ANO6: variants seen among roughly 807,000 people sequenced by gnomAD.
ANO6 encodes the protein anoctamin 6, also known as anoctamin-6.
ANO6 carries 106 observed loss-of-function variants against 117.5 expected under a neutral mutation model. The ratio of observed to expected loss-of-function variants is 0.90; its 90% confidence interval spans 0.77 to 1.06. ANO6 has a LOEUF of 1.06. Among genes scored for constraint, ANO6 ranks in the 50% least tolerant of loss-of-function variants. The pLI, the probability that ANO6 is intolerant of heterozygous loss-of-function variation, is 0.00. For missense variants in ANO6, 955 were observed against 1,121.1 expected, an observed-to-expected ratio of 0.85 and a Z score of 2.12; for synonymous variants, 367 against 385.1, an observed-to-expected ratio of 0.95 and a Z score of 0.55.
intron 3 of ANO6, among the ~76,000 whole-genome samples, chr12:45,339,760 T>G (rs1940928105): frequency 6.6e-6 from 1 of 152,066 alleles, no homozygotes; most frequent in South Asian, 2.1e-4. Context: ...TTAGACTAAT[T>G]TTTTTTCCAC....
chr12:45,382,384 A>G (rs182692732), intron 10 of ANO6, among the ~76,000 whole-genome samples: 11 of 152,286 alleles, frequency 7.2e-5, no homozygotes, highest in South Asian at 2.1e-4. Flanking sequence ...GTGCAACAAG[A>G]TTTTAATGTG....
chr12:45,312,728 ACAGCTCCTTCTCCCAAGTCACTC>A (rs1372537630), intron 2 of ANO6, among the ~76,000 whole-genome samples: 3 of 152,064 alleles, frequency 2.0e-5, no homozygotes, highest in African/African-American at 7.2e-5. Context: ...AAAAGTGTTT[ACAGCTCCTTCTCCCAAGTCACTC>A]TTTGAAATGT....
intron 3 of ANO6, among the ~76,000 whole-genome samples, chr12:45,334,087 A>G (rs1326884699): frequency 6.6e-6 from 1 of 152,080 alleles, no homozygotes; most frequent in African/African-American, 2.4e-5. Context: ...TCCAAATATC[A>G]TGTAACTTGG....
At chr12:45,425,492 A>C (rs2137719721) in intron 19 of ANO6, among the ~76,000 whole-genome samples, 1 of 152,358 alleles carries the variant, frequency 6.6e-6, no homozygotes, top group South Asian at 2.1e-4. Flanking sequence ...AACCGGAGGG[A>C]AAAAACTGAT....
In ANO6 at chr12:45,431,639, A is replaced by G; in HGVS notation, c.*2328A>G. 2.0e-6 allele frequency: 2 copies of G among 985,436 alleles called. No individual in the cohort carries two copies. The highest frequency in any genetic ancestry group is 2.4e-6 in the Non-Finnish European group (2 of 829,926). The allele number at this position is 985,436 out of a possible 1,614,324, so 61.0% of individuals were successfully genotyped here. A position where few individuals can be genotyped will look rare whatever the true frequency, so the allele number is the denominator to read the frequency against. ...AGTGGAGATGCAGGGTCATTTCCCC[A>G]TGCCATCCACAGTGTTTGTTAGTGA... On this transcript the variant is annotated 3_prime_UTR_variant, in exon 20 of 20. Transcript: ENST00000320560.
At chr12:45,311,349 G>A (rs543669534) in intron 2 of ANO6, among the ~76,000 whole-genome samples, 41 of 152,166 alleles carry the variant, frequency 2.7e-4, no homozygotes, top group African/African-American at 6.7e-4. Flanking sequence ...ACGAAGCTCC[G>A]TGTGAATTGA....
intron 2 of ANO6, among the ~76,000 whole-genome samples, chr12:45,308,119 T>A (rs1939736480): frequency 8.0e-6 from 1 of 125,188 alleles, no homozygotes; most frequent in Admixed American, 1.1e-4. Flanking sequence ...GAAGGGTGAT[T>A]ACCGTGAAGA....
chr12:45,306,528 C>G (rs186535420), intron 2 of ANO6, among the ~76,000 whole-genome samples: 5 of 152,140 alleles, frequency 3.3e-5, no homozygotes, highest in African/African-American at 9.6e-5. Context: ...GAGTAATTAT[C>G]CCCCTGAGAT....
chr12:45,424,723 C>T (rs1943457082), intron 19 of ANO6, among the ~76,000 whole-genome samples: 1 of 152,044 alleles, frequency 6.6e-6, no homozygotes, highest in East Asian at 1.9e-4. Context: ...CCCATCAGTG[C>T]CTCTATCTTG....
intron 8 of ANO6, among the ~76,000 whole-genome samples, chr12:45,359,321 A>C (rs1452450575): frequency 6.6e-6 from 1 of 152,226 alleles, no homozygotes; most frequent in African/African-American, 2.4e-5. Flanking sequence ...AAAATTGAAA[A>C]TATTAAAAAT....
intron 1 of ANO6, among the ~76,000 whole-genome samples, chr12:45,247,517 G>A (rs545224583): frequency 2.6e-5 from 4 of 152,276 alleles, no homozygotes; most frequent in Admixed American, 2.6e-4. Context: ...TCACTGAGGT[G>A]GTTCCTGGTC....
At position 45,409,346 on chromosome 12, in the gene ANO6, C is replaced by A. The variant is rs867110498; in HGVS notation, c.1881-11C>A. ...TATTCGTTCTAATTTATAAATTGTT[C>A]TTTTTGGCAGCTGGATCATGAATCT... On this transcript the variant is annotated splice_polypyrimidine_tract_variant and intron_variant, in intron 15 of 19. Coordinates refer to ENST00000320560, the MANE Select transcript of ANO6 (RefSeq NM_001025356.3). 1.2e-6 allele frequency: 2 copies of A among 1,613,598 alleles called. No homozygotes were observed. Among genetic ancestry groups the A allele is most frequent in the Non-Finnish European group, 8.5e-7 (1 of 1,179,712 alleles).
chr12:45,382,770 C>A (rs1254331199), intron 10 of ANO6, among the ~76,000 whole-genome samples: 1 of 152,170 alleles, frequency 6.6e-6, no homozygotes, highest in African/African-American at 2.4e-5. Flanking sequence ...AAAAAATGTA[C>A]ATACCTTAAT....
At chr12:45,321,379 C>T (rs1940264404) in intron 2 of ANO6, among the ~76,000 whole-genome samples, 1 of 152,018 alleles carries the variant, frequency 6.6e-6, no homozygotes, top group South Asian at 2.1e-4. Context: ...TGATTTTTGC[C>T]ACCATGCTTA....
At chr12:45,426,711 G>A (rs993091755) in intron 19 of ANO6, among the ~76,000 whole-genome samples, 8 of 151,934 alleles carry the variant, frequency 5.3e-5, no homozygotes, top group African/African-American at 1.2e-4. Context: ...TTCCTCCTGC[G>A]TCCCTGGCCA....
chr12:45,264,194 A>T (rs183110564), intron 1 of ANO6, among the ~76,000 whole-genome samples: 3 of 152,188 alleles, frequency 2.0e-5, no homozygotes, highest in African/African-American at 7.2e-5. Context: ...CCTTAAAGGA[A>T]TTTTTTCTTC....
intron 1 of ANO6, among the ~76,000 whole-genome samples, chr12:45,218,593 G>C (rs538309870): frequency 6.6e-6 from 1 of 151,950 alleles, no homozygotes; most frequent in South Asian, 2.1e-4. Context: ...TTTAATGTGG[G>C]TTGTAGTGAT....
At chr12:45,246,054 A>G (rs967097477) in intron 1 of ANO6, among the ~76,000 whole-genome samples, 1 of 152,150 alleles carries the variant, frequency 6.6e-6, no homozygotes, top group Non-Finnish European at 1.5e-5. Flanking sequence ...TTCTGAAAAT[A>G]TCAGGAGAGA....
chr12:45,335,588 A>G (rs1011058488), intron 3 of ANO6: 7 of 152,048 alleles, frequency 4.6e-5, no homozygotes, highest in African/African-American at 1.7e-4. Flanking sequence ...AGAAATGCTT[A>G]GTGGATCATT....
Sources: gnomAD v4.1 joint callset for allele counts (sites outside exome capture counted in the v4.1 genomes callset) on GRCh38, gnomAD v4.1.1 for gene constraint, MANE v1.5 for transcripts, NCBI Gene and HGNC (gene_info 2026-07-23, HGNC 2026-07-21) for gene names.